ADARB1: variants seen among roughly 807,000 people sequenced by gnomAD.
ADARB1 encodes the protein double-stranded RNA-specific editase 1.
ADARB1 carries 10 observed loss-of-function variants against 52.4 expected under a neutral mutation model. The ratio of observed to expected loss-of-function variants is 0.19; its 90% CI spans 0.12 to 0.32. The LOEUF is 0.32. Ranked by LOEUF, ADARB1 falls within the 10% of genes least tolerant of loss-of-function variation. The pLI, the probability that ADARB1 is intolerant of heterozygous loss-of-function variation, is 1.00. For missense variants in ADARB1, 643 were observed against 922.3 expected (o/e 0.70, Z 3.92); for synonymous variants, 349 against 371.1 (o/e 0.94, Z 0.68).
intron 1 of ADARB1, among the ~76,000 whole-genome samples, chr21:45,107,405 A>G (rs1451491528): frequency 6.6e-6 from 1 of 152,204 alleles, no homozygotes. Flanking sequence ...TACCTAGAAA[A>G]CTTAGAAAAG....
intron 1 of ADARB1, among the ~76,000 whole-genome samples, chr21:45,126,476 G>A (rs144716593): frequency 6.6e-6 from 1 of 152,106 alleles, no homozygotes; most frequent in Non-Finnish European, 1.5e-5. Context: ...CGCCCCTACT[G>A]TGATCTTAGT....
At chr21:45,168,980 G>A (rs1004638159) in intron 2 of ADARB1, among the ~76,000 whole-genome samples, 1 of 152,166 alleles carries the variant, frequency 6.6e-6, no homozygotes, top group Non-Finnish European at 1.5e-5. Flanking sequence ...CAGAGGAAGC[G>A]GGGATGCTGT....
At chr21:45,098,677 A>G (rs1173336066) in intron 1 of ADARB1, among the ~76,000 whole-genome samples, 2 of 152,158 alleles carry the variant, frequency 1.3e-5, no homozygotes, top group African/African-American at 4.8e-5. Flanking sequence ...GGATTACATG[A>G]TTAGGTAAAG....
intron 2 of ADARB1, among the ~76,000 whole-genome samples, chr21:45,131,606 C>G (rs527836889): frequency 6.6e-6 from 1 of 152,338 alleles, no homozygotes; most frequent in South Asian, 2.1e-4. Flanking sequence ...GTTGCTACCA[C>G]CGGGCATCGC....
intron 1 of ADARB1, among the ~76,000 whole-genome samples, chr21:45,089,723 T>A (rs1211588477): frequency 6.6e-6 from 1 of 152,256 alleles, no homozygotes; most frequent in East Asian, 1.9e-4. Context: ...TGCCCAGTTA[T>A]CAGAAATATC....
intron 8 of ADARB1, among the ~76,000 whole-genome samples, chr21:45,198,003 C>T (rs911738092): frequency 6.6e-6 from 1 of 152,044 alleles, no homozygotes. Context: ...TCCCTTTAAG[C>T]GTGTGCAGTT....
chr21:45,203,910 A>G (rs2092614327), intron 8 of ADARB1, among the ~76,000 whole-genome samples: 1 of 152,192 alleles, frequency 6.6e-6, no homozygotes, highest in Admixed American at 6.5e-5. Flanking sequence ...TCCTGTAAGT[A>G]CCTTCCTATA....
Position 45,225,695 on chromosome 21 carries a change from AC to A in ADARB1, c.*3502del. ...GCTCTTTTTCCTTCTCAAACACTTT[AC>A]CCCAGAAGCAGGTGGTCTGCCCCAG... On this transcript the variant is annotated 3_prime_UTR_variant, in exon 11 of 11. Coordinates refer to ENST00000348831, the MANE Select transcript of ADARB1 (RefSeq NM_001112.4). 2 of 768,878 alleles carry A rather than the reference AC, an allele frequency of 2.6e-6. No individual in the cohort carries two copies. Among genetic ancestry groups the A allele is most frequent in the Non-Finnish European group, 3.7e-6 (2 of 545,422 alleles). 47.6% of individuals were successfully genotyped at this position (768,878 alleles called of 1,614,324 possible).
chr21:45,135,330 C>T (rs2089296537), intron 2 of ADARB1, among the ~76,000 whole-genome samples: 1 of 152,264 alleles, frequency 6.6e-6, no homozygotes, highest in Admixed American at 6.5e-5. Context: ...TGCTGACCGG[C>T]CTGCCAGAAT....
At chr21:45,116,294 G>T (rs550670774) in intron 1 of ADARB1, among the ~76,000 whole-genome samples, 5 of 152,278 alleles carry the variant, frequency 3.3e-5, no homozygotes, top group African/African-American at 1.2e-4. Context: ...TGCTTGCTGC[G>T]CAGCAGCACC....
At chr21:45,084,422 C>A (rs2086262090) in intron 1 of ADARB1, among the ~76,000 whole-genome samples, 1 of 152,256 alleles carries the variant, frequency 6.6e-6, no homozygotes, top group East Asian at 1.9e-4. Flanking sequence ...GGGCCTAGGC[C>A]TTAGGGGTTA....
intron 5 of ADARB1, among the ~76,000 whole-genome samples, chr21:45,181,734 C>T (rs1348483256): frequency 6.6e-6 from 1 of 152,240 alleles, no homozygotes; most frequent in African/African-American, 2.4e-5. Flanking sequence ...GACGCTGGAG[C>T]ACTTGGCACT....
chr21:45,223,706 A>T lies in ADARB1; in HGVS notation c.*1509A>T. ...GAGCCTAGGAAACCAGAGCAGGGGC[A>T]GAGGGGCGTCATCCTCCCACCGGAC... On this transcript the variant is annotated 3_prime_UTR_variant, in exon 11 of 11. Coordinates refer to ENST00000348831, the MANE Select transcript of ADARB1 (RefSeq NM_001112.4). The T allele has an allele frequency of 1.0e-6, 1 of 985,514 alleles. No homozygotes were observed. Among genetic ancestry groups the T allele is most frequent in the Non-Finnish European group, 1.2e-6 (1 of 830,032 alleles). 61.0% of individuals were successfully genotyped at this position (985,514 alleles called of 1,614,324 possible).
At chr21:45,219,969 C>G (rs1209804503) in intron 9 of ADARB1, among the ~76,000 whole-genome samples, 2 of 151,028 alleles carry the variant, frequency 1.3e-5, no homozygotes, top group Admixed American at 6.6e-5. Context: ...TTGACTGGGC[C>G]CCTTCTGCCT....
At chr21:45,076,345 GCTGGGTGCCTATATCTTGC>G (rs1195289535) in intron 1 of ADARB1, among the ~76,000 whole-genome samples, 1 of 152,234 alleles carries the variant, frequency 6.6e-6, no homozygotes, top group Non-Finnish European at 1.5e-5. Context: ...GACAGGCTGA[GCTGGGTGCCTATATCTTGC>G]CTGTGGTGGA....
intron 1 of ADARB1, among the ~76,000 whole-genome samples, chr21:45,087,069 G>A (rs548105829): frequency 3.9e-5 from 6 of 152,292 alleles, no homozygotes; most frequent in South Asian, 2.1e-4. Flanking sequence ...CTCAGCAGAT[G>A]AGTTCTTACC....
intron 9 of ADARB1, among the ~76,000 whole-genome samples, chr21:45,212,945 A>G (rs2092796717): frequency 6.6e-6 from 1 of 152,258 alleles, no homozygotes; most frequent in African/African-American, 2.4e-5. Context: ...TTGAAGGTCT[A>G]GAAAATATTC....
chr21:45,152,303 CG>C (rs1291385651), intron 2 of ADARB1, among the ~76,000 whole-genome samples: 1 of 133,698 alleles, frequency 7.5e-6, no homozygotes, highest in African/African-American at 2.7e-5. Flanking sequence ...AGAAGATTCA[CG>C]GCTGTCGTTC....
intron 1 of ADARB1, among the ~76,000 whole-genome samples, chr21:45,089,561 A>G (rs542977995): frequency 6.6e-6 from 1 of 151,920 alleles, no homozygotes; most frequent in South Asian, 2.1e-4. Flanking sequence ...TACAATACTC[A>G]TATTTTTCTT....
Sources: gnomAD v4.1 joint callset for allele counts (sites outside exome capture counted in the v4.1 genomes callset) on GRCh38, gnomAD v4.1.1 for gene constraint, MANE v1.5 for transcripts, NCBI Gene and HGNC (gene_info 2026-07-23, HGNC 2026-07-21) for gene names.